GPC5: variants seen among roughly 807,000 people sequenced by gnomAD.
GPC5 encodes the protein glypican 5, also known as glypican-5.
Under a neutral mutation model 53.9 loss-of-function variants are expected in GPC5, and 47 were observed. The observed-to-expected ratio is 0.87, with a 90% confidence interval of 0.69 to 1.11. The LOEUF is 1.11. GPC5 is among the 50% of genes most tolerant of loss of function. The probability of loss-of-function intolerance (pLI) is 0.00; values close to 1 mark genes in which losing one functional copy is unlikely to be tolerated. For missense variants in GPC5, 748 were observed against 713.1 expected (o/e 1.05, Z -0.56); for synonymous variants, 286 against 263.3 (o/e 1.09, Z -0.84).
chr13:92,855,499 T>C (rs1878968199), intron 7 of GPC5, among the ~76,000 whole-genome samples: 2 of 152,168 alleles, frequency 1.3e-5, no homozygotes, highest in East Asian at 1.9e-4. Context: ...CCAACATTAA[T>C]AGACAGTTAC....
intron 7 of GPC5, among the ~76,000 whole-genome samples, chr13:92,173,117 T>C (rs1403296711): frequency 1.3e-5 from 2 of 151,840 alleles, no homozygotes; most frequent in Non-Finnish European, 2.9e-5. Flanking sequence ...GGAAATCCTT[T>C]GTTGTCTATA....
chr13:92,144,897 TG>T lies in GPC5; in HGVS notation c.1471del (p.Val491LeufsTer26). ...CTTCAGCTGGGCAGTGGTGGAGGCA[TG>T]GTTGAACAAGTCAGTGGGGACTGTG... Reference protein sequence around the residue: ...ELLQLGSGGGMVEQVSGDCDD... With the variant: ...ELLQLGSGGGXVEQVSGDCDD... On this transcript the variant is annotated frameshift_variant, in exon 7 of 8. Coordinates refer to ENST00000377067, the MANE Select transcript of GPC5 (RefSeq NM_004466.6). LOFTEE classifies it high-confidence loss of function. 1.9e-6 allele frequency: 3 copies of T among 1,609,964 alleles called. No individual in the cohort carries two copies. The highest frequency in any genetic ancestry group is 2.5e-6 in the Non-Finnish European group (3 of 1,178,400).
At chr13:92,760,173 T>G (rs1406211121) in intron 7 of GPC5, among the ~76,000 whole-genome samples, 1 of 152,106 alleles carries the variant, frequency 6.6e-6, no homozygotes, top group Non-Finnish European at 1.5e-5. Context: ...CTGGTTTAGG[T>G]AAGAAGGTAA....
At chr13:92,013,958 A>G (rs1428375849) in intron 6 of GPC5, among the ~76,000 whole-genome samples, 1 of 152,182 alleles carries the variant, frequency 6.6e-6, no homozygotes, top group African/African-American at 2.4e-5. Flanking sequence ...CAATTTAAGT[A>G]AGAGATCATA....
At chr13:92,382,046 T>C (rs1430769755) in intron 7 of GPC5, among the ~76,000 whole-genome samples, 2 of 151,154 alleles carry the variant, frequency 1.3e-5, no homozygotes, top group Non-Finnish European at 2.9e-5. Flanking sequence ...TAAGAAGGAA[T>C]AAAATAACAG....
At chr13:92,421,898 A>G (rs151031273) in intron 7 of GPC5, among the ~76,000 whole-genome samples, 2 of 151,982 alleles carry the variant, frequency 1.3e-5, no homozygotes, top group Admixed American at 6.6e-5. Context: ...CTCTATCACG[A>G]TAACAGCACT....
At chr13:91,422,681 G>T (rs1254521550) in intron 1 of GPC5, among the ~76,000 whole-genome samples, 1 of 152,044 alleles carries the variant, frequency 6.6e-6, no homozygotes, top group African/African-American at 2.4e-5. Context: ...CTGGAGGCTG[G>T]GAAGTCAGCT....
At chr13:91,694,446 G>A (rs1462020226) in intron 3 of GPC5, among the ~76,000 whole-genome samples, 1 of 152,202 alleles carries the variant, frequency 6.6e-6, no homozygotes, top group Non-Finnish European at 1.5e-5. Flanking sequence ...ATCTGTCACA[G>A]TGATGGCGTG....
chr13:92,264,056 CATAA>C (rs1303810969), intron 7 of GPC5, among the ~76,000 whole-genome samples: 1 of 151,794 alleles, frequency 6.6e-6, no homozygotes, highest in Non-Finnish European at 1.5e-5. Flanking sequence ...CATTATATCC[CATAA>C]ATAAACATAA....
At chr13:92,188,012 C>A (rs1283944151) in intron 7 of GPC5, among the ~76,000 whole-genome samples, 2 of 151,984 alleles carry the variant, frequency 1.3e-5, no homozygotes, top group Non-Finnish European at 1.5e-5. Flanking sequence ...ATTCTGAAAC[C>A]CATTTATTTA....
At chr13:91,557,113 T>C (rs2031002137) in intron 2 of GPC5, among the ~76,000 whole-genome samples, 1 of 152,106 alleles carries the variant, frequency 6.6e-6, no homozygotes, top group Non-Finnish European at 1.5e-5. Flanking sequence ...TGTTTGGTTG[T>C]AAAAGAAACT....
chr13:92,642,719 T>A (rs1202638025), intron 7 of GPC5, among the ~76,000 whole-genome samples: 4 of 152,298 alleles, frequency 2.6e-5, no homozygotes, highest in African/African-American at 9.6e-5. Flanking sequence ...AAATGTTCCA[T>A]GTAGAGCAGT....
chr13:92,794,854 A>T (rs1183299686), intron 7 of GPC5, among the ~76,000 whole-genome samples: 5 of 152,312 alleles, frequency 3.3e-5, no homozygotes, highest in Admixed American at 3.3e-4. Context: ...TTCAAGGAGA[A>T]CTACAAACCA....
At chr13:91,954,122 T>C (rs1163697320) in intron 6 of GPC5, among the ~76,000 whole-genome samples, 1 of 152,170 alleles carries the variant, frequency 6.6e-6, no homozygotes, top group Non-Finnish European at 1.5e-5. Context: ...AAAGATACAA[T>C]TCCATAAGGC....
chr13:92,366,513 T>C (rs1466058823), intron 7 of GPC5, among the ~76,000 whole-genome samples: 3 of 151,844 alleles, frequency 2.0e-5, no homozygotes, highest in Admixed American at 1.3e-4. Context: ...AAGAAGTTTA[T>C]TTTTCTGAAA....
intron 7 of GPC5, among the ~76,000 whole-genome samples, chr13:92,693,994 C>T (rs1376247634): frequency 1.3e-5 from 2 of 152,228 alleles, no homozygotes; most frequent in Non-Finnish European, 2.9e-5. Flanking sequence ...CCCTGCAACC[C>T]AGCAGCTCCA....
chr13:91,932,678 T>G (rs2139033792), intron 6 of GPC5, among the ~76,000 whole-genome samples: 1 of 152,078 alleles, frequency 6.6e-6, no homozygotes, highest in African/African-American at 2.4e-5. Flanking sequence ...CCGAGGATTG[T>G]TGCCTCCAAT....
chr13:91,648,096 T>G (rs1294798338), intron 2 of GPC5, among the ~76,000 whole-genome samples: 2 of 152,220 alleles, frequency 1.3e-5, no homozygotes, highest in African/African-American at 4.8e-5. Context: ...TAGAACTTCT[T>G]AATAAGATTA....
chr13:92,149,471 T>G (rs928180018), intron 7 of GPC5, among the ~76,000 whole-genome samples: 1 of 152,028 alleles, frequency 6.6e-6, no homozygotes, highest in Non-Finnish European at 1.5e-5. Context: ...TTTGGTTGAT[T>G]AGAGTAAAAT....
Sources: allele counts gnomAD v4.1 joint callset (sites outside exome capture counted in the v4.1 genomes callset), GRCh38; gene constraint gnomAD v4.1.1; transcripts MANE v1.5; gene names NCBI Gene and HGNC (gene_info 2026-07-23, HGNC 2026-07-21).